ANK3: variants seen among roughly 807,000 people sequenced by gnomAD.
The protein encoded by ANK3 is ankyrin 3.
ANK3 carries 57 observed loss-of-function variants against 370.9 expected under a neutral mutation model. That is an observed-to-expected ratio of 0.15 (90% CI 0.12 to 0.19). The LOEUF is 0.19. Ranked by LOEUF, ANK3 falls within the 10% of genes least tolerant of loss-of-function variation. The pLI, the probability that ANK3 is intolerant of heterozygous loss-of-function variation, is 1.00. For synonymous variants in ANK3, 1,929 were observed against 1,946.3 expected (o/e 0.99, Z 0.23); for missense variants, 4,439 against 5,302.1 (o/e 0.84, Z 5.06).
chr10:60,226,490 C>CATATACTATATTATATATACATAGTAT (rs1490566960), intron 8 of ANK3, among the ~76,000 whole-genome samples: 1 of 63,410 alleles, frequency 1.6e-5, no homozygotes, highest in Admixed American at 1.7e-4. Context: ...TATATATATA[C>CATATACTATATTATATATACATAGTAT]ATATACTATA....
intron 2 of ANK3, among the ~76,000 whole-genome samples, chr10:60,496,884 T>C (rs1314608261): frequency 1.3e-5 from 2 of 152,202 alleles, no homozygotes; most frequent in Admixed American, 1.3e-4. Context: ...ACCACATCTT[T>C]GTATCTTTAC....
chr10:60,537,346 A>T (rs1198009000), intron 2 of ANK3, among the ~76,000 whole-genome samples: 1 of 151,966 alleles, frequency 6.6e-6, no homozygotes, highest in Non-Finnish European at 1.5e-5. Flanking sequence ...CTAGTTTTAG[A>T]TTTTTCATGT....
rs2082988131 is a variant in ANK3 at position 60,072,782 on chromosome 10, G to A, written c.8099C>T (p.Ala2700Val). 1.2e-6 allele frequency: 2 copies of A among 1,613,984 alleles called. No homozygotes were observed. Among genetic ancestry groups the A allele is most frequent in the African/African-American group, 2.7e-5 (2 of 74,906 alleles). ...GAATCCAGACTGGGGCCCATCTGGT[G>A]CTTTGCTCTGTGAAATACTTCCTTT... ...EAKGSISQSK[A>V]PDGPQSGFQL... Residue 2700 changes from alanine to valine, a missense_variant, in exon 37 of 44, where the codon GCA becomes GTA. Transcript: ENST00000280772.
At chr10:60,331,231 G>A (rs1401271531) in intron 1 of ANK3, among the ~76,000 whole-genome samples, 2 of 151,236 alleles carry the variant, frequency 1.3e-5, no homozygotes, top group East Asian at 2.0e-4. Flanking sequence ...AAACCTGTAC[G>A]TTCTGCACAT....
intron 2 of ANK3, among the ~76,000 whole-genome samples, chr10:60,485,317 C>T (rs1245627844): frequency 8.6e-6 from 1 of 116,558 alleles, no homozygotes; most frequent in Non-Finnish European, 2.1e-5. Flanking sequence ...AGGAAGGCTA[C>T]AGTCTCGGCA....
intron 2 of ANK3, among the ~76,000 whole-genome samples, chr10:60,442,195 A>C (rs1228344062): frequency 2.0e-5 from 3 of 150,162 alleles, no homozygotes; most frequent in African/African-American, 4.9e-5. Context: ...TTCTGGGTTC[A>C]AGCAATTCTC....
chr10:60,268,067 A>G (rs567622897), intron 5 of ANK3, among the ~76,000 whole-genome samples: 128 of 152,314 alleles, frequency 8.4e-4, no homozygotes, highest in African/African-American at 3.0e-3. Context: ...GACTACTCAC[A>G]GGTGCAACCA....
intron 16 of ANK3, among the ~76,000 whole-genome samples, chr10:60,188,166 T>C (rs1018395277): frequency 6.6e-6 from 1 of 152,226 alleles, no homozygotes; most frequent in Non-Finnish European, 1.5e-5. Flanking sequence ...AGGTTTTGAA[T>C]CAAGAGTACT....
At chr10:60,035,957 AG>A in intron 43 of ANK3, among the ~76,000 whole-genome samples, 1 of 152,276 alleles carries the variant, frequency 6.6e-6, no homozygotes, top group East Asian at 1.9e-4. Context: ...AATATTCTGG[AG>A]GGCAGGGTCC....
At chr10:60,293,877 T>C (rs1022832205) in intron 1 of ANK3, among the ~76,000 whole-genome samples, 7 of 152,228 alleles carry the variant, frequency 4.6e-5, no homozygotes, top group African/African-American at 1.7e-4. Flanking sequence ...AGGAAATACA[T>C]AGCAGTAACT....
intron 1 of ANK3, among the ~76,000 whole-genome samples, chr10:60,646,737 C>A (rs574509500): frequency 6.6e-6 from 1 of 152,086 alleles, no homozygotes; most frequent in Non-Finnish European, 1.5e-5. Context: ...AATTTAATGA[C>A]TATTAAGCAG....
In ANK3 at chr10:60,494,196, T is replaced by G. The variant is rs544823220; in HGVS notation, c.96+120990A>C. On this transcript the variant is annotated intron_variant, in intron 2 of 43. Transcript: ENST00000373827. ...TAACTGTCTTTAATGTATGAGACTA[T>G]TTGAGTCAAGATTTCTATTACTTGA... 1.2e-3 allele frequency among the ~76,000 whole-genome samples: 184 copies of G among 152,272 alleles called. 2 individuals carry two copies. Among genetic ancestry groups the G allele is most frequent in the African/African-American group, 4.2e-3 (175 of 41,554 alleles).
At chr10:60,091,856 G>A (rs933762608) in intron 28 of ANK3, among the ~76,000 whole-genome samples, 6 of 151,092 alleles carry the variant, frequency 4.0e-5, no homozygotes, top group East Asian at 2.0e-4. Context: ...TCAGCCTCCC[G>A]AGTAGCTGGG....
chr10:60,371,170 T>C (rs939037714), intron 1 of ANK3, among the ~76,000 whole-genome samples: 3 of 152,138 alleles, frequency 2.0e-5, no homozygotes, highest in Admixed American at 2.0e-4. Context: ...AATCTACACA[T>C]CTGTCTCATC....
At chr10:60,293,341 G>T (rs1428813106) in intron 1 of ANK3, among the ~76,000 whole-genome samples, 1 of 152,058 alleles carries the variant, frequency 6.6e-6, no homozygotes, top group East Asian at 1.9e-4. Context: ...TCATAGCGCT[G>T]AACTAGTAAA....
chr10:60,063,049 TCTGA>T (rs2080915712), intron 40 of ANK3, 58 bp downstream of exon 40: 2 of 1,516,084 alleles, frequency 1.3e-6, no homozygotes, highest in South Asian at 2.5e-5. Context: ...GACTGCCTTG[TCTGA>T]CTGCACTTTC....
intron 43 of ANK3, 43 bp from the exon 44 acceptor site, chr10:60,029,869 C>CTTTTTTTTTT (rs1564489978): frequency 2.5e-5 from 1 of 39,382 alleles, no homozygotes; most frequent in South Asian, 7.9e-4. Flanking sequence ...CTTTCTTTTT[C>CTTTTTTTTTT]TTTTTCTTTT....
intron 2 of ANK3, among the ~76,000 whole-genome samples, chr10:60,534,792 T>C (rs972457879): frequency 1.8e-4 from 28 of 152,268 alleles, no homozygotes; most frequent in African/African-American, 6.3e-4. Flanking sequence ...TATTTTCAAG[T>C]ATGCGGAAAA....
At chr10:60,140,395 T>C in intron 23 of ANK3, 1 of 1,613,750 alleles carries the variant, frequency 6.2e-7, no homozygotes, top group Non-Finnish European at 8.5e-7. Context: ...GATCAAATGT[T>C]TTCCTGATGT....
Sources: gnomAD v4.1 joint callset for allele counts (sites outside exome capture counted in the v4.1 genomes callset) on GRCh38, gnomAD v4.1.1 for gene constraint, MANE v1.5 for transcripts, NCBI Gene and HGNC (gene_info 2026-07-23, HGNC 2026-07-21) for gene names.